Variants in DOCK4 observed in about 807,000 individuals in gnomAD.
The protein encoded by DOCK4 is dedicator of cytokinesis protein 4.
A neutral mutation model predicts 268.1 loss-of-function variants in DOCK4; 97 were observed. That is an observed-to-expected ratio of 0.36 (90% CI 0.31 to 0.43). The LOEUF (loss-of-function observed/expected upper bound fraction) is 0.43, where lower values mean the gene tolerates loss of function less well. Among genes scored for constraint, DOCK4 ranks in the 20% least tolerant of loss-of-function variants. The pLI, the probability that DOCK4 is intolerant of heterozygous loss-of-function variation, is 1.00. For synonymous variants in DOCK4, 954 were observed against 887.2 expected, an observed-to-expected ratio of 1.08 and a Z score of -1.34; for missense variants, 2,145 against 2,455.7, an observed-to-expected ratio of 0.87 and a Z score of 2.67.
At chr7:111,783,018 GAAAAA>G in intron 34 of DOCK4, 94 bp from the exon 35 acceptor site, 3 of 512,478 alleles carry the variant, frequency 5.9e-6, no homozygotes, top group Non-Finnish European at 6.1e-6. Flanking sequence ...AAGAAAGAAA[GAAAAA>G]AAAAAAAAAA....
At chr7:111,915,724 A>G (rs953204185) in intron 13 of DOCK4, 55 bp downstream of exon 13, 4 of 1,575,528 alleles carry the variant, frequency 2.5e-6, no homozygotes, top group Non-Finnish European at 3.4e-6. Flanking sequence ...CTCAAACATC[A>G]AAAACAGATA....
intron 17 of DOCK4, among the ~76,000 whole-genome samples, chr7:111,875,340 G>A (rs1356790474): frequency 1.3e-5 from 2 of 152,118 alleles, no homozygotes; most frequent in African/African-American, 4.8e-5. Context: ...ATTTGTTTCT[G>A]TCTTATTTTC....
intron 13 of DOCK4, among the ~76,000 whole-genome samples, chr7:111,910,400 GC>G (rs1195685268): frequency 2.5e-4 from 38 of 152,318 alleles, no homozygotes; most frequent in Non-Finnish European, 4.6e-4. Context: ...GCCACATGTG[GC>G]AATGGAGCCC....
Position 111,981,749 on chromosome 7 carries a change from T to C in DOCK4, c.549+2557A>G, listed in dbSNP as rs544918559. ...AGACTTTGGACTAGGATCTGAGCTG[T>C]AACATACTAAAATATCCCCTGCTGT... On this transcript the variant is annotated intron_variant, in intron 7 of 52. Coordinates refer to ENST00000428084, the MANE Select transcript of DOCK4 (RefSeq NM_001363540.2). Among the ~76,000 whole-genome samples the C allele has an allele frequency of 4.4e-3, 674 of 152,280 alleles. 3 individuals carry two copies. Among genetic ancestry groups the C allele is most frequent in the Non-Finnish European group, 6.4e-3 (437 of 68,028 alleles).
At chr7:111,798,228 G>A (rs1319151671) in intron 30 of DOCK4, among the ~76,000 whole-genome samples, 2 of 152,224 alleles carry the variant, frequency 1.3e-5, no homozygotes, top group Non-Finnish European at 2.9e-5. Context: ...AGAGGTGGAG[G>A]TCACTGGGTT....
chr7:111,728,771 C>T, intron 52 of DOCK4, 51 bp from the exon 53 acceptor site: 4 of 1,511,142 alleles, frequency 2.6e-6, no homozygotes, highest in Non-Finnish European at 3.6e-6. Flanking sequence ...GAGTCGTGAA[C>T]GCAGATGCGC....
intron 1 of DOCK4, among the ~76,000 whole-genome samples, chr7:112,061,845 T>C (rs1237814719): frequency 6.6e-6 from 1 of 152,126 alleles, no homozygotes; most frequent in East Asian, 1.9e-4. Context: ...CCAGTGTCTT[T>C]GTTATAGGAA....
chr7:111,776,807 T>C (rs752810644), intron 36 of DOCK4, among the ~76,000 whole-genome samples: 8 of 151,808 alleles, frequency 5.3e-5, no homozygotes, highest in Non-Finnish European at 1.2e-4. Context: ...ACAAACTTCA[T>C]GTAGGTGAGT....
At chr7:112,060,168 A>AT (rs1471432980) in intron 1 of DOCK4, among the ~76,000 whole-genome samples, 4 of 152,158 alleles carry the variant, frequency 2.6e-5, no homozygotes, top group South Asian at 2.1e-4. Context: ...TTCATCTTTG[A>AT]TTTTTTAAGA....
intron 12 of DOCK4, among the ~76,000 whole-genome samples, chr7:111,926,628 C>T (rs1793713147): frequency 6.7e-6 from 1 of 148,874 alleles, no homozygotes; most frequent in South Asian, 2.1e-4. Flanking sequence ...CGAGACTATC[C>T]TGGCCAACAT....
At chr7:112,026,678 C>T (rs945342030) in intron 1 of DOCK4, among the ~76,000 whole-genome samples, 2 of 152,210 alleles carry the variant, frequency 1.3e-5, no homozygotes, top group Non-Finnish European at 2.9e-5. Context: ...AAGATAACTA[C>T]ATTCATGCAT....
intron 13 of DOCK4, among the ~76,000 whole-genome samples, chr7:111,912,423 T>C (rs376821942): frequency 7.1e-4 from 108 of 152,312 alleles, no homozygotes; most frequent in Middle Eastern, 6.8e-3. Context: ...AGAAGCTCTT[T>C]GTTTCTATGG....
intron 8 of DOCK4, among the ~76,000 whole-genome samples, chr7:111,948,630 T>C (rs1795810766): frequency 6.6e-6 from 1 of 151,874 alleles, no homozygotes; most frequent in South Asian, 2.1e-4. Context: ...GTTTCACTCT[T>C]GTTGCCCAGG....
chr7:111,931,760 G>T (rs1417684279), intron 12 of DOCK4, among the ~76,000 whole-genome samples: 1 of 152,202 alleles, frequency 6.6e-6, no homozygotes, highest in South Asian at 2.1e-4. Context: ...GAATATTTCA[G>T]CTAGTGGCTT....
intron 47 of DOCK4, among the ~76,000 whole-genome samples, chr7:111,740,657 C>T (rs979489677): frequency 5.2e-5 from 7 of 134,270 alleles, no homozygotes; most frequent in East Asian, 2.5e-4. Flanking sequence ...TGCCTGAGCC[C>T]GGGAGGCGGA....
rs1324329078 is a variant in DOCK4, at chr7:112,060,068, A to G, written c.38-55937T>C. Among the ~76,000 whole-genome samples the G allele has an allele frequency of 2.0e-5, 3 of 152,256 alleles. No individual in the cohort carries two copies. The East Asian group carries it at 5.8e-4, about 29-fold the overall frequency. On this transcript the variant is annotated intron_variant, in intron 1 of 52. Coordinates refer to ENST00000428084, the MANE Select transcript of DOCK4 (RefSeq NM_001363540.2). Reference sequence around the variant, plus strand: ...ACTCCAAGAGCTTGACACCAAGTTCATAGGACACACTTTATACTTAGGGCT... The same window carrying G: ...ACTCCAAGAGCTTGACACCAAGTTCGTAGGACACACTTTATACTTAGGGCT...
chr7:112,129,023 C>T (rs967060653), intron 1 of DOCK4, among the ~76,000 whole-genome samples: 3 of 152,216 alleles, frequency 2.0e-5, no homozygotes, highest in Admixed American at 1.3e-4. Context: ...CATGCACTTA[C>T]ATAACCTAAT....
intron 1 of DOCK4, among the ~76,000 whole-genome samples, chr7:112,082,131 G>A (rs1808649413): frequency 6.6e-6 from 1 of 152,170 alleles, no homozygotes; most frequent in African/African-American, 2.4e-5. Flanking sequence ...GTAAATGGTA[G>A]GAAGGGTAGA....
intron 7 of DOCK4, among the ~76,000 whole-genome samples, chr7:111,979,073 G>T (rs145606998): frequency 6.6e-6 from 1 of 152,164 alleles, no homozygotes; most frequent in African/African-American, 2.4e-5. Flanking sequence ...ATGACCCTAC[G>T]TCTACATTAG....
Sources: gnomAD v4.1 joint callset for allele counts (sites outside exome capture counted in the v4.1 genomes callset) on GRCh38, gnomAD v4.1.1 for gene constraint, MANE v1.5 for transcripts, NCBI Gene and HGNC (gene_info 2026-07-23, HGNC 2026-07-21) for gene names.